TXNRD1: variants seen among roughly 807,000 people sequenced by gnomAD.
TXNRD1 encodes the protein thioredoxin reductase 1, cytoplasmic.
Under a neutral mutation model 80.3 loss-of-function variants are expected in TXNRD1, and 57 were observed. The ratio of observed to expected loss-of-function variants is 0.71; its 90% CI spans 0.57 to 0.89. TXNRD1 has a LOEUF of 0.89. Among genes scored for constraint, TXNRD1 ranks in the 40% least tolerant of loss-of-function variants. The pLI is 0.00. For synonymous variants in TXNRD1, 291 were observed against 285.2 expected (o/e 1.02, Z -0.20); for missense variants, 730 against 803.0 (o/e 0.91, Z 1.10).
intron 1 of TXNRD1, among the ~76,000 whole-genome samples, chr12:104,231,559 A>G (rs2032624771): frequency 6.6e-6 from 1 of 152,222 alleles, no homozygotes; most frequent in Admixed American, 6.5e-5. Context: ...CCGGGGCTGA[A>G]GCCTCCATTT....
At position 104,231,133 on chromosome 12, in the gene TXNRD1, C is replaced by T. The variant is rs549639851; in HGVS notation, c.91+15240C>T. Among the ~76,000 whole-genome samples the T allele has an allele frequency of 7.9e-5, 12 of 152,218 alleles. 1 individual carries two copies. In the South Asian group the frequency reaches 1.7e-3, roughly 21 times the overall value. ...ATTTCTGGAGCTGCTTTAAAAGAAA[C>T]GAAAACTTCCCAAGGACCCCTTTTC... On this transcript the variant is annotated intron_variant, in intron 1 of 16. Coordinates refer to ENST00000525566, the MANE Select transcript of TXNRD1 (RefSeq NM_001093771.3).
chr12:104,343,661 C>T (rs1413707256), intron 16 of TXNRD1, among the ~76,000 whole-genome samples: 1 of 151,892 alleles, frequency 6.6e-6, no homozygotes, highest in Non-Finnish European at 1.5e-5. Flanking sequence ...AATAACTGTG[C>T]ATTGTGGCGT....
chr12:104,251,789 G>T, intron 2 of TXNRD1, 111 bp downstream of exon 2: 3 of 1,270,982 alleles, frequency 2.4e-6, no homozygotes, highest in Non-Finnish European at 2.2e-6. Context: ...ATGTAGGCTG[G>T]GCGCGGTGGC....
At chr12:104,283,973 CT>C (rs1000908129) in intron 3 of TXNRD1, among the ~76,000 whole-genome samples, 1 of 152,182 alleles carries the variant, frequency 6.6e-6, no homozygotes, top group Non-Finnish European at 1.5e-5. Context: ...CTACCTACCA[CT>C]TTTTTTCTCA....
chr12:104,334,464 C>A (rs1593866512), intron 15 of TXNRD1, 132 bp downstream of exon 15: 1 of 356,044 alleles, frequency 2.8e-6, no homozygotes. Flanking sequence ...CTCACTGCAA[C>A]CTCCGCCTCC....
intron 3 of TXNRD1, among the ~76,000 whole-genome samples, chr12:104,258,938 A>G (rs1361151917): frequency 6.6e-6 from 1 of 152,128 alleles, no homozygotes; most frequent in Non-Finnish European, 1.5e-5. Context: ...TCGAAAAACA[A>G]AAAGGATCTG....
Position 104,315,791 on chromosome 12 carries a change from T to C in TXNRD1, c.625T>C (p.Cys209Arg), listed in dbSNP as rs768267361. ...TGTTGTTGTAGGTCTCGGAGGAACA[T>C]GTGTGAATGTGGGTTGCATACCTAA... The part of the protein sequence containing the change: ...LGTRWGLGGT[C>R]VNVGCIPKKL... The change falls in exon 7 of 17, where the codon TGT becomes CGT. Residue 209 changes from cysteine (C) to arginine (R), a missense_variant. Coordinates refer to ENST00000525566, the MANE Select transcript of TXNRD1 (RefSeq NM_001093771.3). 4 of 1,608,872 alleles carry C rather than the reference T, an allele frequency of 2.5e-6. No homozygotes were observed. The South Asian group carries it at 4.4e-5, about 18-fold the overall frequency.
chr12:104,233,032 A>T (rs866748107), intron 1 of TXNRD1, among the ~76,000 whole-genome samples: 4 of 152,246 alleles, frequency 2.6e-5, no homozygotes, highest in African/African-American at 9.6e-5. Context: ...GTTGTTTACA[A>T]ACTAGGAGAA....
intron 1 of TXNRD1, among the ~76,000 whole-genome samples, chr12:104,219,546 T>C (rs1019652281): frequency 2.6e-5 from 4 of 152,202 alleles, no homozygotes; most frequent in Admixed American, 6.5e-5. Flanking sequence ...TAAAAGTAGA[T>C]GGGTACACAC....
intron 15 of TXNRD1, among the ~76,000 whole-genome samples, chr12:104,335,382 T>A (rs1407703794): frequency 1.3e-5 from 2 of 152,034 alleles, no homozygotes; most frequent in Non-Finnish European, 2.9e-5. Flanking sequence ...GTATTTTTAG[T>A]AGAGACGGGG....
intron 16 of TXNRD1, among the ~76,000 whole-genome samples, chr12:104,347,097 A>C (rs1182168247): frequency 3.9e-5 from 6 of 152,216 alleles, no homozygotes; most frequent in Non-Finnish European, 7.3e-5. Flanking sequence ...TGTCTCAAAA[A>C]TAAAAATAAT....
At chr12:104,270,159 C>T (rs377188045) in intron 3 of TXNRD1, among the ~76,000 whole-genome samples, 1 of 152,200 alleles carries the variant, frequency 6.6e-6, no homozygotes, top group Non-Finnish European at 1.5e-5. Flanking sequence ...TTGACTTCTT[C>T]CCATGAATCA....
intron 1 of TXNRD1, among the ~76,000 whole-genome samples, chr12:104,217,202 T>G (rs1180052662): frequency 6.6e-6 from 1 of 152,168 alleles, no homozygotes; most frequent in Non-Finnish European, 1.5e-5. Context: ...ACGTTTCATG[T>G]GCCATCCTCA....
At position 104,258,074 on chromosome 12, in the gene TXNRD1, A is replaced by G; in HGVS notation, c.299A>G (p.Gln100Arg). 6.5e-7 allele frequency: 1 copy of G among 1,549,906 alleles called. No individual in the cohort carries two copies. The highest frequency in any genetic ancestry group is 8.7e-7 in the Non-Finnish European group (1 of 1,144,674). The change falls in exon 3 of 17, where the codon CAA (glutamine) becomes CGA (arginine). Residue 100 changes from glutamine to arginine, a missense_variant. Coordinates refer to ENST00000525566, the MANE Select transcript of TXNRD1 (RefSeq NM_001093771.3). Reference protein sequence around the residue: ...CVPYFVLELDQTEDGRALEGT... With the variant: ...CVPYFVLELDRTEDGRALEGT... ...CCTTATTTTGTGCTTGAACTTGATC[A>G]AACAGGTAAGTTTCTGTTTAATATG...
At position 104,321,086 on chromosome 12, in the gene TXNRD1, C is replaced by A; in HGVS notation, c.990-5C>A. The A allele has an allele frequency of 6.3e-7, 1 of 1,579,118 alleles. No homozygotes were observed. The highest frequency in any genetic ancestry group is 8.6e-7 in the Non-Finnish European group (1 of 1,158,662). On this transcript the variant is annotated splice_polypyrimidine_tract_variant and splice_region_variant and intron_variant, in intron 9 of 16. Coordinates refer to ENST00000525566, the MANE Select transcript of TXNRD1 (RefSeq NM_001093771.3). ...CTTTCTTCCTTTTTTTTTTTTTTCC[C>A]CCAGTGATGATCTTTTCTCCTTGCC...
intron 4 of TXNRD1, among the ~76,000 whole-genome samples, chr12:104,310,450 A>G (rs935532933): frequency 2.6e-5 from 4 of 152,184 alleles, no homozygotes; most frequent in Non-Finnish European, 4.4e-5. Flanking sequence ...TGCCTGGCCT[A>G]CTTGATTTTT....
At chr12:104,327,980 G>A (rs905318948) in intron 13 of TXNRD1, among the ~76,000 whole-genome samples, 1 of 151,434 alleles carries the variant, frequency 6.6e-6, no homozygotes, top group African/African-American at 2.4e-5. Flanking sequence ...CCAACATGGC[G>A]AAACCCCATC....
intron 15 of TXNRD1, among the ~76,000 whole-genome samples, chr12:104,337,364 G>A (rs1246310999): frequency 6.6e-6 from 1 of 151,946 alleles, no homozygotes; most frequent in Non-Finnish European, 1.5e-5. Flanking sequence ...AGCCTGAGTT[G>A]CCTCATCTGT....
chr12:104,274,581 C>T (rs975840449), intron 3 of TXNRD1, among the ~76,000 whole-genome samples: 1 of 151,804 alleles, frequency 6.6e-6, no homozygotes, highest in Non-Finnish European at 1.5e-5. Context: ...CACCTGTAGT[C>T]CCAGCTACTC....
Sources: gnomAD v4.1 joint callset for allele counts (sites outside exome capture counted in the v4.1 genomes callset) on GRCh38, gnomAD v4.1.1 for gene constraint, MANE v1.5 for transcripts, NCBI Gene and HGNC (gene_info 2026-07-23, HGNC 2026-07-21) for gene names.